Variants in HCN1 observed in about 807,000 individuals in gnomAD.
HCN1 encodes potassium/sodium hyperpolarization-activated cyclic nucleotide-gated channel 1.
In HCN1, 13 loss-of-function variants were observed where a neutral mutation model predicts 78.9. The observed-to-expected ratio is 0.16, with a 90% confidence interval of 0.11 to 0.26. The LOEUF is 0.26. HCN1 is among the 10% of genes least tolerant of loss of function. HCN1 has a pLI of 1.00. For synonymous variants in HCN1, 552 were observed against 455.5 expected (o/e 1.21, Z -2.70); for missense variants, 810 against 1,154.3 (o/e 0.70, Z 4.32).
intron 2 of HCN1, among the ~76,000 whole-genome samples, chr5:45,538,598 G>C (rs1456745926): frequency 6.6e-6 from 1 of 152,034 alleles, no homozygotes; most frequent in Non-Finnish European, 1.5e-5. Flanking sequence ...TGATAAAAAG[G>C]CTTGGTCTGA....
At chr5:45,657,961 G>A (rs563094441) in intron 1 of HCN1, among the ~76,000 whole-genome samples, 20 of 152,268 alleles carry the variant, frequency 1.3e-4, no homozygotes, top group South Asian at 6.2e-4. Flanking sequence ...GAACAAAGCC[G>A]GAGGCATCAT....
chr5:45,677,417 G>T (rs916438109), intron 1 of HCN1, among the ~76,000 whole-genome samples: 1 of 151,750 alleles, frequency 6.6e-6, no homozygotes, highest in African/African-American at 2.4e-5. Flanking sequence ...AGCCTTGGGG[G>T]AAATTTGAGA....
chr5:45,423,471 A>T (rs1276698212), intron 3 of HCN1, among the ~76,000 whole-genome samples: 2 of 152,170 alleles, frequency 1.3e-5, no homozygotes, highest in African/African-American at 4.8e-5. Context: ...TAACTCCCCA[A>T]CAACACTTAG....
intron 2 of HCN1, among the ~76,000 whole-genome samples, chr5:45,503,369 A>G (rs1454312099): frequency 6.6e-6 from 1 of 152,182 alleles, no homozygotes; most frequent in African/African-American, 2.4e-5. Context: ...GGTATCTCTA[A>G]CGAATAAATA....
At chr5:45,695,430 G>A (rs563518258) in intron 1 of HCN1, among the ~76,000 whole-genome samples, 1 of 152,278 alleles carries the variant, frequency 6.6e-6, no homozygotes, top group African/African-American at 2.4e-5. Flanking sequence ...AGTTCAGGAG[G>A]CCAAGGAGGA....
chr5:45,364,088 C>T (rs906897192), intron 4 of HCN1, among the ~76,000 whole-genome samples: 31 of 152,082 alleles, frequency 2.0e-4, no homozygotes, highest in Admixed American at 8.5e-4. Context: ...ACATCTTTTC[C>T]TGTGTCTTCT....
intron 4 of HCN1, among the ~76,000 whole-genome samples, chr5:45,354,527 T>C (rs1383224696): frequency 6.6e-6 from 1 of 152,068 alleles, no homozygotes; most frequent in Non-Finnish European, 1.5e-5. Flanking sequence ...TGCCCATAAT[T>C]ATTGTAATTG....
intron 2 of HCN1, chr5:45,643,911 T>C (rs544244001): frequency 6.6e-6 from 1 of 152,298 alleles, no homozygotes; most frequent in East Asian, 1.9e-4. Context: ...GAATGTGCTA[T>C]ATAGAGAAAA....
At chr5:45,480,096 CAG>C (rs1741615552) in intron 2 of HCN1, 1 of 152,600 alleles carries the variant, frequency 6.6e-6, no homozygotes, top group Admixed American at 6.5e-5. Flanking sequence ...TTGCTTATGA[CAG>C]AGTTATTTGC....
At chr5:45,695,312 TC>T (rs1739984876) in intron 1 of HCN1, among the ~76,000 whole-genome samples, 1 of 152,018 alleles carries the variant, frequency 6.6e-6, no homozygotes, top group African/African-American at 2.4e-5. Flanking sequence ...AAGGGTGGCT[TC>T]CCGCTTCCTC....
intron 5 of HCN1, among the ~76,000 whole-genome samples, chr5:45,321,424 T>C (rs1010602468): frequency 1.6e-4 from 24 of 151,888 alleles, no homozygotes; most frequent in African/African-American, 4.3e-4. Context: ...AGAATATGTG[T>C]AGAGAAAACT....
At chr5:45,357,224 T>A (rs1747022277) in intron 4 of HCN1, among the ~76,000 whole-genome samples, 2 of 152,084 alleles carry the variant, frequency 1.3e-5, no homozygotes, top group Non-Finnish European at 2.9e-5. Flanking sequence ...AGATTGTATG[T>A]TTTCTGAATC....
intron 2 of HCN1, chr5:45,642,970 T>C (rs1215382777): frequency 1.3e-5 from 2 of 152,160 alleles, no homozygotes; most frequent in Non-Finnish European, 2.9e-5. Context: ...AATGGGCTTA[T>C]GGTTCATTTA....
rs886043302 is a variant in HCN1 at position 45,695,852 on chromosome 5, A to T, written c.242T>A (p.Phe81Tyr). 9 of 1,593,240 alleles carry T rather than the reference A, an allele frequency of 5.6e-6. No individual in the cohort carries two copies. The highest frequency in any genetic ancestry group is 7.7e-6 in the Non-Finnish European group (9 of 1,174,926). Residue 81 changes from phenylalanine to tyrosine, a missense_variant, in exon 1 of 8, where the codon TTC becomes TAC. Physicochemically the swap from Phe to Tyr is conservative, Grantham distance 22 (BLOSUM62 3). Transcript: ENST00000303230. ...CCGCCGGGGCCCCTCGGCGTCTTCGAAGCCCCCCGCCGGCTCCTCGCCGCC... is the reference window on the plus strand; with the variant it reads ...CCGCCGGGGCCCCTCGGCGTCTTCGTAGCCCCCCGCCGGCTCCTCGCCGCC... The part of the protein sequence containing the change: ...GGGGEEPAGG[F>Y]EDAEGPRRQY...
intron 2 of HCN1, among the ~76,000 whole-genome samples, chr5:45,557,086 A>T (rs1317249530): frequency 6.6e-6 from 1 of 152,102 alleles, no homozygotes; most frequent in Non-Finnish European, 1.5e-5. Context: ...CAAATATCAC[A>T]GGAAAATTCA....
At chr5:45,664,674 T>C (rs1324405625) in intron 1 of HCN1, among the ~76,000 whole-genome samples, 46 of 151,690 alleles carry the variant, frequency 3.0e-4, no homozygotes, top group African/African-American at 1.1e-3. Flanking sequence ...AAGACATTTA[T>C]GCAGCCAAAA....
At chr5:45,681,553 C>T (rs1039659346) in intron 1 of HCN1, among the ~76,000 whole-genome samples, 1 of 150,630 alleles carries the variant, frequency 6.6e-6, no homozygotes, top group African/African-American at 2.4e-5. Flanking sequence ...TTGGTAAACA[C>T]GATAAAAAAA....
chr5:45,538,016 T>G (rs1272615061), intron 2 of HCN1, among the ~76,000 whole-genome samples: 4 of 123,014 alleles, frequency 3.3e-5, no homozygotes, highest in Non-Finnish European at 6.8e-5. Flanking sequence ...TATACTCTCC[T>G]TCTGTGCAAT....
At chr5:45,538,033 TAAA>T (rs5867703) in intron 2 of HCN1, among the ~76,000 whole-genome samples, 21 of 146,998 alleles carry the variant, frequency 1.4e-4, no homozygotes, top group Non-Finnish European at 1.5e-4. Flanking sequence ...CAATAACAGT[TAAA>T]AAAAAAAAAA....
Sources: allele counts gnomAD v4.1 joint callset (sites outside exome capture counted in the v4.1 genomes callset), GRCh38; gene constraint gnomAD v4.1.1; transcripts MANE v1.5; gene names NCBI Gene and HGNC (gene_info 2026-07-23, HGNC 2026-07-21).